ITCH: variants seen among roughly 807,000 people sequenced by gnomAD.
ITCH encodes E3 ubiquitin-protein ligase Itchy homolog.
A neutral mutation model predicts 126.8 loss-of-function variants in ITCH; 28 were observed. That is an observed-to-expected ratio of 0.22 (90% confidence interval 0.16 to 0.30). The LOEUF (loss-of-function observed/expected upper bound fraction) is 0.30, where lower values mean the gene tolerates loss of function less well. Ranked by LOEUF, ITCH falls within the 10% of genes least tolerant of loss-of-function variation. The pLI is 1.00. For missense variants in ITCH, 631 were observed against 1,032.4 expected, an observed-to-expected ratio of 0.61 and a Z score of 5.33; for synonymous variants, 342 against 340.0, an observed-to-expected ratio of 1.01 and a Z score of -0.06.
intron 3 of ITCH, among the ~76,000 whole-genome samples, chr20:34,400,268 C>T (rs1302350287): frequency 6.6e-6 from 1 of 152,030 alleles, no homozygotes. Context: ...CAAGGTCTTG[C>T]TATGTTGCCC....
At chr20:34,365,486 C>A (rs2037387072) in intron 1 of ITCH, among the ~76,000 whole-genome samples, 2 of 149,614 alleles carry the variant, frequency 1.3e-5, no homozygotes, top group Admixed American at 1.3e-4. Context: ...GTGATCTCGG[C>A]TTACTGTAAC....
At chr20:34,476,534 T>C in intron 16 of ITCH, 1 of 1,021,682 alleles carries the variant, frequency 9.8e-7, no homozygotes, top group Non-Finnish European at 1.2e-6. Flanking sequence ...TTGTGACATT[T>C]CTCATTTGCG....
chr20:34,407,162 G>A (rs113659811), intron 3 of ITCH, among the ~76,000 whole-genome samples: 125 of 152,138 alleles, frequency 8.2e-4, no homozygotes, highest in African/African-American at 2.9e-3. Context: ...GCACAACATA[G>A]GAAGCTCTTC....
intron 3 of ITCH, among the ~76,000 whole-genome samples, chr20:34,394,603 G>A (rs1048392228): frequency 2.6e-5 from 4 of 152,126 alleles, no homozygotes; most frequent in African/African-American, 7.2e-5. Context: ...GGCTGGTTTC[G>A]AACACCTGGG....
At chr20:34,477,751 T>C in intron 16 of ITCH, 21 bp from the exon 17 acceptor site, 1 of 1,610,812 alleles carries the variant, frequency 6.2e-7, no homozygotes, top group South Asian at 1.1e-5. Context: ...TCACCAATTA[T>C]TTTACTTTAT....
At chr20:34,415,994 C>A (rs958110353) in intron 6 of ITCH, among the ~76,000 whole-genome samples, 1 of 151,814 alleles carries the variant, frequency 6.6e-6, no homozygotes, top group Non-Finnish European at 1.5e-5. Context: ...TGGTGGCGAG[C>A]ACCCGTAAGC....
intron 16 of ITCH, among the ~76,000 whole-genome samples, chr20:34,475,624 C>G (rs1037341435): frequency 2.0e-5 from 3 of 151,362 alleles, no homozygotes; most frequent in Non-Finnish European, 4.4e-5. Flanking sequence ...AGCTTCGGCT[C>G]GGCATCAGAG....
chr20:34,488,864 A>C (rs1422664408), intron 20 of ITCH, among the ~76,000 whole-genome samples: 2 of 152,078 alleles, frequency 1.3e-5, no homozygotes, highest in African/African-American at 2.4e-5. Context: ...ACAGAGAGAC[A>C]CCATCTCTAC....
intron 6 of ITCH, among the ~76,000 whole-genome samples, chr20:34,418,196 C>G (rs1187656690): frequency 6.6e-6 from 1 of 152,024 alleles, no homozygotes; most frequent in Non-Finnish European, 1.5e-5. Flanking sequence ...AACTCCTGAG[C>G]TCAGGCAATC....
chr20:34,383,613 G>GC (rs2038151546), intron 2 of ITCH, among the ~76,000 whole-genome samples: 1 of 151,838 alleles, frequency 6.6e-6, no homozygotes, highest in African/African-American at 2.4e-5. Context: ...TGATCTGCCT[G>GC]CCTCGGCTTC....
intron 2 of ITCH, among the ~76,000 whole-genome samples, chr20:34,381,895 T>C (rs1375322508): frequency 1.3e-5 from 2 of 151,626 alleles, no homozygotes; most frequent in Non-Finnish European, 2.9e-5. Context: ...AAAGAAATAC[T>C]CAAAACACTC....
At chr20:34,383,330 G>C (rs1187052705) in intron 2 of ITCH, among the ~76,000 whole-genome samples, 1 of 150,460 alleles carries the variant, frequency 6.6e-6, no homozygotes, top group South Asian at 2.1e-4. Context: ...GATTACAGGC[G>C]TGAGCCACCA....
chr20:34,422,952 A>C (rs1980980764), intron 6 of ITCH, among the ~76,000 whole-genome samples: 1 of 151,934 alleles, frequency 6.6e-6, no homozygotes, highest in Non-Finnish European at 1.5e-5. Context: ...CCGCCACCAC[A>C]CTCAGCTAAT....
At chr20:34,475,250 G>A (rs1334808108) in intron 16 of ITCH, among the ~76,000 whole-genome samples, 1 of 152,174 alleles carries the variant, frequency 6.6e-6, no homozygotes, top group Admixed American at 6.5e-5. Context: ...TCCCAGACGT[G>A]GTGGCGGCCG....
In ITCH at chr20:34,480,451, C is replaced by T. The variant is rs1006547117; in HGVS notation, c.1819-148C>T. 8.0e-6 allele frequency: 7 copies of T among 876,998 alleles called. No individual in the cohort carries two copies. The African/African-American group carries it at 1.2e-4, about 15-fold the overall frequency. 54.3% of individuals were successfully genotyped at this position (876,998 alleles called of 1,614,324 possible). A position where few individuals can be genotyped will look rare whatever the true frequency, so the allele number is the denominator to read the frequency against. ...TCCTGACCTCAGGTGATCCACCCACCTCGGCCTCCCAGATTGCTGGGATTA... is the reference window on the plus strand; with the variant it reads ...TCCTGACCTCAGGTGATCCACCCACTTCGGCCTCCCAGATTGCTGGGATTA... On this transcript the variant is annotated intron_variant, in intron 18 of 24. Coordinates refer to ENST00000374864, the MANE Select transcript of ITCH (RefSeq NM_031483.7).
At chr20:34,419,373 T>C (rs1265494667) in intron 6 of ITCH, among the ~76,000 whole-genome samples, 1 of 152,232 alleles carries the variant, frequency 6.6e-6, no homozygotes, top group African/African-American at 2.4e-5. Flanking sequence ...ATAATCACTA[T>C]TCTGAACTTT....
intron 6 of ITCH, among the ~76,000 whole-genome samples, chr20:34,423,093 C>T (rs1981007426): frequency 6.6e-6 from 1 of 152,136 alleles, no homozygotes; most frequent in Admixed American, 6.6e-5. Flanking sequence ...CCACGCCCGG[C>T]CTCTATTTTT....
chr20:34,372,187 C>T (rs756486143), intron 2 of ITCH, among the ~76,000 whole-genome samples: 3 of 149,890 alleles, frequency 2.0e-5, no homozygotes, highest in African/African-American at 7.3e-5. Flanking sequence ...CGCCTGTAGT[C>T]CCAGCTACTC....
At chr20:34,433,577 G>C (rs559891677) in intron 7 of ITCH, among the ~76,000 whole-genome samples, 1 of 150,924 alleles carries the variant, frequency 6.6e-6, no homozygotes, top group Admixed American at 6.6e-5. Context: ...GATCACGTGA[G>C]CCTGGGGAGG....
Sources: gnomAD v4.1 joint callset for allele counts (sites outside exome capture counted in the v4.1 genomes callset) on GRCh38, gnomAD v4.1.1 for gene constraint, MANE v1.5 for transcripts, NCBI Gene and HGNC (gene_info 2026-07-23, HGNC 2026-07-21) for gene names.